FNBP1: variants seen among roughly 807,000 people sequenced by gnomAD.
The protein encoded by FNBP1 is formin binding protein 1.
Under a neutral mutation model 90.6 loss-of-function variants are expected in FNBP1, and 26 were observed. The ratio of observed to expected loss-of-function variants is 0.29; its 90% CI spans 0.21 to 0.40. FNBP1 has a LOEUF of 0.40. Among genes scored for constraint, FNBP1 ranks in the 10% least tolerant of loss-of-function variants. The pLI is 1.00. For synonymous variants in FNBP1, 260 were observed against 265.2 expected, an observed-to-expected ratio of 0.98 and a Z score of 0.19; for missense variants, 635 against 768.0, an observed-to-expected ratio of 0.83 and a Z score of 2.05.
intron 12 of FNBP1, among the ~76,000 whole-genome samples, chr9:129,906,812 G>A (rs866093229): frequency 2.6e-5 from 4 of 151,546 alleles, no homozygotes; most frequent in African/African-American, 4.9e-5. Context: ...ACAGAGTCTC[G>A]CTCTGTTGCC....
chr9:129,974,014 G>A (rs2049914544), intron 4 of FNBP1, among the ~76,000 whole-genome samples: 1 of 151,834 alleles, frequency 6.6e-6, no homozygotes, highest in African/African-American at 2.4e-5. Flanking sequence ...AGTAGAGAAG[G>A]GGTTTCATCA....
intron 7 of FNBP1, 70 bp downstream of exon 7, chr9:129,929,497 T>C: frequency 7.0e-7 from 1 of 1,432,218 alleles, no homozygotes; most frequent in Non-Finnish European, 9.8e-7. Context: ...GCAATCACGA[T>C]TCAGAAGTGT....
At chr9:130,048,367 T>G in the FNBP1 span, among the ~76,000 whole-genome samples, 1 of 146,486 alleles carries the variant, frequency 6.8e-6, no homozygotes, top group Admixed American at 6.9e-5. Context: ...AGGTTGTCAT[T>G]AGTCTGAAAT....
At chr9:129,953,103 AACTG>A (rs1339319614) in intron 6 of FNBP1, among the ~76,000 whole-genome samples, 1 of 152,244 alleles carries the variant, frequency 6.6e-6, no homozygotes, top group African/African-American at 2.4e-5. Context: ...TATTTCTAAA[AACTG>A]ACTGTGTACT....
chr9:129,967,031 C>T (rs1459740806), intron 4 of FNBP1, among the ~76,000 whole-genome samples: 1 of 152,180 alleles, frequency 6.6e-6, no homozygotes, highest in East Asian at 1.9e-4. Context: ...GGACTCAGAA[C>T]ATTTACTGAA....
intron 11 of FNBP1, among the ~76,000 whole-genome samples, chr9:129,911,546 G>A (rs536447257): frequency 1.1e-3 from 173 of 152,260 alleles, no homozygotes; most frequent in African/African-American, 2.2e-3. Context: ...GTGGCTGCCC[G>A]GGGAGGGCAT....
Position 129,900,517 on chromosome 9 carries a change from G to A in FNBP1, c.1459C>T (p.Pro487Ser). Residue 487 changes from proline to serine, a missense_variant, in exon 14 of 17, where the codon CCA becomes TCA. By Grantham distance (74) the Pro-to-Ser change is moderately conservative (BLOSUM62 -1). Transcript: ENST00000446176. The surrounding 1 kb of genome is among the most constrained non-coding windows in gnomAD (Gnocchi z 4.1). ...AWLAEVEGRLPARSEQARRQS... is the reference protein window; with the variant it reads ...AWLAEVEGRLSARSEQARRQS... ...CGGCGCGCCTGCTCGCTGCGTGCTG[G>A]GAGCCGGCCTTCAACCTCAGCCAGC... is the stretch of plus-strand genomic sequence containing the variant. The A allele has an allele frequency of 6.3e-7, 1 of 1,586,488 alleles. No individual in the cohort carries two copies. Among genetic ancestry groups the A allele is most frequent in the Admixed American group, 1.9e-5 (1 of 53,872 alleles).
intron 11 of FNBP1, among the ~76,000 whole-genome samples, chr9:129,911,578 C>T (rs1166049877): frequency 1.3e-5 from 2 of 152,164 alleles, no homozygotes; most frequent in African/African-American, 4.8e-5. Flanking sequence ...GCCCCCTCCC[C>T]CACACCTTGC....
At chr9:129,916,573 C>T (rs529024746) in intron 10 of FNBP1, among the ~76,000 whole-genome samples, 1 of 150,216 alleles carries the variant, frequency 6.7e-6, no homozygotes, top group Non-Finnish European at 1.5e-5. Context: ...GCTGAGGTCG[C>T]GCATTGCACT....
intron 4 of FNBP1, among the ~76,000 whole-genome samples, chr9:129,969,891 T>C (rs1213746535): frequency 1.7e-4 from 25 of 147,214 alleles, no homozygotes; most frequent in Non-Finnish European, 3.2e-4. Flanking sequence ...ATTCCTAACT[T>C]TTTTTTTTTT....
chr9:130,049,591 C>T, the FNBP1 span, among the ~76,000 whole-genome samples: 1 of 151,836 alleles, frequency 6.6e-6, no homozygotes, highest in Admixed American at 6.6e-5. Flanking sequence ...TGCTTAGCTA[C>T]TTGGGGGCTT....
chr9:129,945,149 TAAA>T (rs1297202239), intron 6 of FNBP1, among the ~76,000 whole-genome samples: 1 of 152,166 alleles, frequency 6.6e-6, no homozygotes, highest in Non-Finnish European at 1.5e-5. Flanking sequence ...TCCACAGACA[TAAA>T]GAAGAGAATA....
chr9:130,027,775 T>C (rs983868091), intron 1 of FNBP1, among the ~76,000 whole-genome samples: 7 of 152,156 alleles, frequency 4.6e-5, no homozygotes, highest in Non-Finnish European at 8.8e-5. Flanking sequence ...GACTGAGCTG[T>C]CAACAGGAAC....
At chr9:129,978,997 G>A (rs1369742962) in intron 3 of FNBP1, among the ~76,000 whole-genome samples, 3 of 152,148 alleles carry the variant, frequency 2.0e-5, no homozygotes, top group African/African-American at 7.2e-5. Flanking sequence ...CATATTTCTT[G>A]GATGAATGAC....
intron 15 of FNBP1, among the ~76,000 whole-genome samples, chr9:129,898,864 T>C (rs1006928676): frequency 5.3e-5 from 8 of 151,688 alleles, no homozygotes; most frequent in African/African-American, 1.5e-4. Context: ...ATCCCCCCAC[T>C]TCATGGGCCT....
intron 6 of FNBP1, among the ~76,000 whole-genome samples, chr9:129,953,130 G>A (rs191318370): frequency 1.1e-4 from 17 of 152,198 alleles, no homozygotes; most frequent in Admixed American, 8.5e-4. Context: ...GGTATAAAAC[G>A]AATCTCAACA....
chr9:130,012,983 G>GA (rs1424212359), intron 1 of FNBP1, among the ~76,000 whole-genome samples: 1 of 151,846 alleles, frequency 6.6e-6, no homozygotes, highest in East Asian at 1.9e-4. Context: ...ACACCATAAT[G>GA]AAAAAAGTCA....
chr9:129,922,474 C>T (rs1166735917), intron 10 of FNBP1, among the ~76,000 whole-genome samples: 1 of 152,178 alleles, frequency 6.6e-6, no homozygotes, highest in African/African-American at 2.4e-5. Context: ...ATCTTCCCAC[C>T]TTCACCTTTT....
intron 4 of FNBP1, among the ~76,000 whole-genome samples, chr9:129,968,825 GC>G (rs2049007463): frequency 6.6e-6 from 1 of 152,140 alleles, no homozygotes; most frequent in Non-Finnish European, 1.5e-5. Context: ...GATAACTGCT[GC>G]CAAAAAGTGA....
Sources: gnomAD v4.1 joint callset for allele counts (sites outside exome capture counted in the v4.1 genomes callset) on GRCh38, gnomAD v4.1.1 for gene constraint, Gnocchi (gnomAD v3.1) non-coding constraint, MANE v1.5 for transcripts, NCBI Gene and HGNC (gene_info 2026-07-23, HGNC 2026-07-21) for gene names.